The following SYT13 variants were observed in gnomAD, a reference collection of about 807,000 sequenced individuals.
SYT13 encodes the protein synaptotagmin-13.
A neutral mutation model predicts 38.6 loss-of-function variants in SYT13; 21 were observed. The observed-to-expected ratio is 0.54, with a 90% CI of 0.39 to 0.78. SYT13 has a LOEUF of 0.78. Ranked by LOEUF, SYT13 falls within the 30% of genes least tolerant of loss-of-function variation. SYT13 has a pLI of 0.00. For missense variants in SYT13, 495 were observed against 548.7 expected, an observed-to-expected ratio of 0.90 and a Z score of 0.98; for synonymous variants, 241 against 237.6, an observed-to-expected ratio of 1.01 and a Z score of -0.13.
chr11:45,268,686 G>C (rs1472706228), intron 1 of SYT13, among the ~76,000 whole-genome samples: 1 of 152,192 alleles, frequency 6.6e-6, no homozygotes, highest in East Asian at 1.9e-4. Context: ...ACATGACTGT[G>C]GAGCCCACAG....
chr11:45,258,722 G>C (rs1484995001), intron 1 of SYT13, among the ~76,000 whole-genome samples: 1 of 152,128 alleles, frequency 6.6e-6, no homozygotes, highest in Non-Finnish European at 1.5e-5. Context: ...GAGGAGCCAG[G>C]GCATGACTGA....
chr11:45,264,734 T>G (rs1181153146), intron 1 of SYT13, among the ~76,000 whole-genome samples: 1 of 152,108 alleles, frequency 6.6e-6, no homozygotes, highest in Non-Finnish European at 1.5e-5. Context: ...TACACAGCAA[T>G]AGATAACTAA....
intron 1 of SYT13, among the ~76,000 whole-genome samples, chr11:45,282,700 C>T (rs1053065235): frequency 2.6e-5 from 4 of 152,192 alleles, no homozygotes; most frequent in Non-Finnish European, 2.9e-5. Context: ...ATGGATGATA[C>T]GCTATGGTTT....
At chr11:45,271,011 C>A (rs1036585255) in intron 1 of SYT13, among the ~76,000 whole-genome samples, 1 of 152,114 alleles carries the variant, frequency 6.6e-6, no homozygotes, top group Non-Finnish European at 1.5e-5. Context: ...GGAGTAAGTC[C>A]CCACCCTCAG....
chr11:45,244,131 C>A lies in SYT13; in HGVS notation c.1202G>T (p.Gly401Val), dbSNP rs1854586213. 3 of 1,613,334 alleles carry A rather than the reference C, an allele frequency of 1.9e-6. No individual in the cohort carries two copies. The highest frequency in any genetic ancestry group is 2.5e-6 in the Non-Finnish European group (3 of 1,179,966). Reference protein sequence around the residue: ...GHCSLGLHTSGSERSHWEEML... With the variant: ...GHCSLGLHTSVSERSHWEEML... ...CTCCTCCCAGTGGCTGCGCTCAGAG[C>A]CCGAGGTGTGCAGGCCCAGGCTGCA... Residue 401 changes from glycine (G) to valine (V), a missense_variant, in exon 6 of 6, where the codon GGC becomes GTC. Gly to Val is a moderately radical substitution (Grantham distance 109). Transcript: ENST00000020926.
rs567100959 is a variant in SYT13, at chr11:45,277,958, G to T, written c.183+8067C>A. Among the ~76,000 whole-genome samples, 9 of 152,314 alleles carry T rather than the reference G, an allele frequency of 5.9e-5. No individual in the cohort carries two copies. In the South Asian group the frequency reaches 1.9e-3, roughly 32 times the overall value. On this transcript the variant is annotated intron_variant, in intron 1 of 5. Transcript: ENST00000020926. Reference sequence around the variant, plus strand: ...ATGGGTCACTGTGTCATTGGGAAGAGGGTAGTTACCACTGTATCCTCACTT... The same window carrying T: ...ATGGGTCACTGTGTCATTGGGAAGATGGTAGTTACCACTGTATCCTCACTT...
rs1854575633 is a variant in SYT13, at chr11:45,243,373, T to G, written c.*679A>C. 1 of 152,156 alleles carries G rather than the reference T, an allele frequency of 6.6e-6. No individual in the cohort carries two copies. The highest frequency in any genetic ancestry group is 2.1e-4 in the South Asian group (1 of 4,820). The allele number at this position is 152,156 out of a possible 1,614,324, so 9.4% of individuals were successfully genotyped here. ...GCATTGGAACTGGCTGCACCATGGT[T>G]TTGGGACTCCATCAAGGACTGTGGC... On this transcript the variant is annotated 3_prime_UTR_variant, in exon 6 of 6. Transcript: ENST00000020926.
chr11:45,283,173 A>G (rs1314082103), intron 1 of SYT13, among the ~76,000 whole-genome samples: 2 of 152,120 alleles, frequency 1.3e-5, no homozygotes, highest in African/African-American at 4.8e-5. Flanking sequence ...TCCTGGGAAA[A>G]CTCCAAATTT....
intron 1 of SYT13, among the ~76,000 whole-genome samples, chr11:45,279,256 A>G (rs1855044544): frequency 6.6e-6 from 1 of 152,214 alleles, no homozygotes; most frequent in Non-Finnish European, 1.5e-5. Flanking sequence ...ATAATTATGC[A>G]TATTTCATAG....
chr11:45,251,960 G>A (rs7103871), intron 4 of SYT13, among the ~76,000 whole-genome samples: 120,281 of 152,110 alleles, frequency 0.79, 48,511 homozygotes, highest in Non-Finnish European at 0.87. Context: ...ATCAAATATC[G>A]TCATCATTTG....
intron 1 of SYT13, among the ~76,000 whole-genome samples, chr11:45,265,155 G>A (rs956715008): frequency 8.5e-5 from 13 of 152,196 alleles, no homozygotes; most frequent in South Asian, 2.1e-4. Context: ...AATATTCCTC[G>A]ACCAACAAAA....
In SYT13 at chr11:45,244,259, C is replaced by G. The variant is rs774759057; in HGVS notation, c.1074G>C (p.Glu358Asp). 6.2e-7 allele frequency: 1 copy of G among 1,614,080 alleles called. No individual in the cohort carries two copies. Among genetic ancestry groups the G allele is most frequent in the Non-Finnish European group, 8.5e-7 (1 of 1,180,050 alleles). Residue 358 changes from glutamate (E) to aspartate (D), a missense_variant, in exon 6 of 6, where the codon GAG (glutamate) becomes GAC (aspartate). By Grantham distance (45) the Glu-to-Asp change is conservative. Coordinates refer to ENST00000020926, the MANE Select transcript of SYT13 (RefSeq NM_020826.3). ...AKHKINPVWN[E>D]MIMFELPDDL... The stretch of plus-strand genomic sequence containing the variant: ...CGTCAGGCAGCTCAAACATGATCAT[C>G]TCGTTCCACACGGGGTTGATCTTGT...
chr11:45,273,610 A>T (rs1302093010), intron 1 of SYT13, among the ~76,000 whole-genome samples: 1 of 152,194 alleles, frequency 6.6e-6, no homozygotes, highest in African/African-American at 2.4e-5. Flanking sequence ...TGTGTGATGA[A>T]CATCTCTCCC....
chr11:45,269,295 G>A (rs556351088), intron 1 of SYT13: 23 of 496,692 alleles, frequency 4.6e-5, no homozygotes, highest in South Asian at 9.8e-5. Context: ...CATTTCTGGC[G>A]GAAACTAAAT....
rs533272550 is a variant in SYT13, at chr11:45,269,495, A to G, written c.184-13604T>C. ...TGGCCACCACCTCTGTAAACTTCATATGTAACAGATGCTCTGCAATGCACA... is the reference window on the plus strand; with the variant it reads ...TGGCCACCACCTCTGTAAACTTCATGTGTAACAGATGCTCTGCAATGCACA... On this transcript the variant is annotated intron_variant, in intron 1 of 5. Transcript: ENST00000020926. 14 of 1,287,294 alleles carry G rather than the reference A, an allele frequency of 1.1e-5. No homozygotes were observed. The South Asian group carries it at 1.7e-4, about 16-fold the overall frequency. 79.7% of individuals were successfully genotyped at this position (1,287,294 alleles called of 1,614,324 possible). A position where few individuals can be genotyped will look rare whatever the true frequency, so the allele number is the denominator to read the frequency against.
intron 1 of SYT13, among the ~76,000 whole-genome samples, chr11:45,266,263 A>G (rs1451687090): frequency 3.9e-5 from 6 of 152,122 alleles, no homozygotes; most frequent in African/African-American, 1.4e-4. Context: ...TTCTTTCCAA[A>G]TAGCCTCAGA....
intron 1 of SYT13, among the ~76,000 whole-genome samples, chr11:45,266,197 T>C (rs1264874893): frequency 6.6e-6 from 1 of 152,116 alleles, no homozygotes; most frequent in Non-Finnish European, 1.5e-5. Context: ...GCCCAGAACT[T>C]GGCTGTGGAC....
chr11:45,255,679 G>A lies in SYT13; in HGVS notation c.396C>T (p.Ile132=). 1 of 1,614,088 alleles carries A rather than the reference G, an allele frequency of 6.2e-7. No individual in the cohort carries two copies. The highest frequency in any genetic ancestry group is 8.5e-7 in the Non-Finnish European group (1 of 1,180,012). ...GGAGACCCCTACCATTCTGAGGGAGGATGAACAGCTCCTCTGTGACCTGCC... is the reference window on the plus strand; with the variant it reads ...GGAGACCCCTACCATTCTGAGGGAGAATGAACAGCTCCTCTGTGACCTGCC... The part of the protein sequence containing the change: ...LKRQVTEELF[I]LPQNGVVEDV... The change falls in exon 2 of 6, where the codon ATC becomes ATT. Residue 132 remains isoleucine, a synonymous_variant. Transcript: ENST00000020926.
intron 1 of SYT13, among the ~76,000 whole-genome samples, chr11:45,266,772 A>G (rs1020015702): frequency 7.2e-5 from 11 of 152,206 alleles, no homozygotes; most frequent in Admixed American, 1.3e-4. Context: ...TAACCAGTCC[A>G]AAGGTTTGAT....
Sources: gnomAD v4.1 joint callset for allele counts (sites outside exome capture counted in the v4.1 genomes callset) on GRCh38, gnomAD v4.1.1 for gene constraint, MANE v1.5 for transcripts, NCBI Gene and HGNC (gene_info 2026-07-23, HGNC 2026-07-21) for gene names.